The following ASTN2 variants were observed in gnomAD, a reference collection of about 807,000 sequenced individuals.
ASTN2 encodes the protein astrotactin-2.
Under a neutral mutation model 139.8 loss-of-function variants are expected in ASTN2, and 54 were observed. The observed-to-expected ratio is 0.39, with a 90% CI of 0.31 to 0.48. The LOEUF (loss-of-function observed/expected upper bound fraction) is 0.48, where lower values mean the gene tolerates loss of function less well. Among genes scored for constraint, ASTN2 ranks in the 20% least tolerant of loss-of-function variants. The pLI is 0.95. For synonymous variants in ASTN2, 756 were observed against 719.5 expected, an observed-to-expected ratio of 1.05 and a Z score of -0.81; for missense variants, 1,565 against 1,725.1, an observed-to-expected ratio of 0.91 and a Z score of 1.64.
chr9:117,018,726 T>C (rs73517485), intron 6 of ASTN2, among the ~76,000 whole-genome samples: 3,715 of 152,192 alleles, frequency 0.024, 134 homozygotes, highest in African/African-American at 0.083. Context: ...TAAAAGAGGG[T>C]GAATAGCACT....
chr9:117,342,968 T>A (rs1444249616), intron 1 of ASTN2, among the ~76,000 whole-genome samples: 5 of 151,944 alleles, frequency 3.3e-5, no homozygotes, highest in African/African-American at 1.2e-4. Flanking sequence ...AGGAGCTTGG[T>A]GGGTTGGATA....
chr9:116,933,005 C>CAAAAAA (rs34505075), intron 10 of ASTN2, among the ~76,000 whole-genome samples: 1 of 70,054 alleles, frequency 1.4e-5, no homozygotes, highest in African/African-American at 5.5e-5. Flanking sequence ...GACTCTGTCT[C>CAAAAAA]AAAAAAAAAA....
chr9:117,337,222 G>T (rs894886013), intron 1 of ASTN2, among the ~76,000 whole-genome samples: 1 of 152,050 alleles, frequency 6.6e-6, no homozygotes, highest in African/African-American at 2.4e-5. Flanking sequence ...TTATACATGG[G>T]TCTACAGAGG....
chr9:117,134,378 A>G (rs1477663120), intron 4 of ASTN2, among the ~76,000 whole-genome samples: 2 of 150,630 alleles, frequency 1.3e-5, no homozygotes, highest in Non-Finnish European at 2.9e-5. Flanking sequence ...GTAAAAGCAC[A>G]TTGAAACATT....
chr9:117,366,432 G>A (rs1829845435), intron 1 of ASTN2, among the ~76,000 whole-genome samples: 1 of 152,148 alleles, frequency 6.6e-6, no homozygotes, highest in African/African-American at 2.4e-5. Context: ...CAGAAGGGAA[G>A]TGAGGTCCCA....
chr9:117,172,896 T>C (rs1830827568), intron 3 of ASTN2, among the ~76,000 whole-genome samples: 1 of 152,128 alleles, frequency 6.6e-6, no homozygotes, highest in Non-Finnish European at 1.5e-5. Context: ...TGGCCACCCC[T>C]TGGGTCCCTT....
chr9:117,102,883 C>A (rs1481135636), intron 4 of ASTN2, among the ~76,000 whole-genome samples: 1 of 147,794 alleles, frequency 6.8e-6, no homozygotes, highest in African/African-American at 2.5e-5. Flanking sequence ...AAGAAACCAA[C>A]TTTTTTTTTT....
At chr9:116,948,173 A>G (rs1021249044) in intron 10 of ASTN2, among the ~76,000 whole-genome samples, 1 of 152,074 alleles carries the variant, frequency 6.6e-6, no homozygotes, top group Non-Finnish European at 1.5e-5. Context: ...TTCAATTAAG[A>G]TGTTGTCTGC....
chr9:117,010,317 A>G lies in ASTN2; in HGVS notation c.1424-2058T>C, dbSNP rs192330923. Among the ~76,000 whole-genome samples, 449 of 152,264 alleles carry G rather than the reference A, an allele frequency of 2.9e-3. 3 individuals carry two copies. Among genetic ancestry groups the G allele is most frequent in the African/African-American group, 0.01 (435 of 41,572 alleles). On this transcript the variant is annotated intron_variant, in intron 6 of 22. Transcript: ENST00000313400. ...TGGGTCCTTGAGGAAGGCACAGAAC[A>G]TCAGTACCAACTACAGATTTTTCTT...
chr9:117,271,504 C>T (rs1214258406), intron 2 of ASTN2, among the ~76,000 whole-genome samples: 3 of 152,148 alleles, frequency 2.0e-5, no homozygotes, highest in Non-Finnish European at 4.4e-5. Flanking sequence ...CTTCCACAGT[C>T]CCTCAAAGTC....
At chr9:116,972,163 T>C (rs924450764) in intron 10 of ASTN2, among the ~76,000 whole-genome samples, 1 of 152,174 alleles carries the variant, frequency 6.6e-6, no homozygotes, top group Non-Finnish European at 1.5e-5. Context: ...GTAATCTCTA[T>C]CCTTTCTTCT....
intron 3 of ASTN2, among the ~76,000 whole-genome samples, chr9:117,202,175 TG>T (rs1315278333): frequency 2.0e-5 from 3 of 152,186 alleles, no homozygotes; most frequent in Admixed American, 1.3e-4. Flanking sequence ...TGCCTTTTTT[TG>T]TTTTCCATTT....
At chr9:116,946,936 C>CAAAAAAA (rs3983292) in intron 10 of ASTN2, among the ~76,000 whole-genome samples, 5 of 127,926 alleles carry the variant, frequency 3.9e-5, no homozygotes, top group African/African-American at 6.1e-5. Context: ...ACATTTTTGT[C>CAAAAAAA]AAAAAAAAAA....
intron 17 of ASTN2, among the ~76,000 whole-genome samples, chr9:116,630,666 C>G (rs560087260): frequency 2.3e-4 from 35 of 152,032 alleles, no homozygotes; most frequent in Middle Eastern, 3.4e-3. Context: ...TTGAATGAGA[C>G]CTCAAAAGCA....
intron 13 of ASTN2, among the ~76,000 whole-genome samples, chr9:116,789,038 A>G (rs1335727999): frequency 2.0e-5 from 3 of 152,092 alleles, no homozygotes; most frequent in Admixed American, 6.5e-5. Context: ...CAAAATGCCT[A>G]TATGGTCTCT....
rs1460901622 is a variant in ASTN2, at chr9:116,503,948, C to A, written c.3356-16448G>T. ...TCACAGTCCATATCACAGTTCTGCT[C>A]TCCATAGTCCCAAAGCTGACTTCAT... On this transcript the variant is annotated intron_variant, in intron 19 of 22. Coordinates refer to ENST00000313400, the MANE Select transcript of ASTN2 (RefSeq NM_001365068.1). Among the ~76,000 whole-genome samples the A allele has an allele frequency of 2.0e-5, 3 of 152,230 alleles. No individual in the cohort carries two copies. In the East Asian group the frequency reaches 5.8e-4, roughly 30 times the overall value.
At position 117,386,146 on chromosome 9, in the gene ASTN2, GA is replaced by G. The variant is rs370991008; in HGVS notation, c.442+28350del. On this transcript the variant is annotated intron_variant, in intron 1 of 22. Transcript: ENST00000313400. ...GACAAAGATCAGGAGGAAAGGAGGG[GA>G]AAAAAAAAAGCAGACATTTCATACT... 5.5e-3 allele frequency among the ~76,000 whole-genome samples: 801 copies of G among 146,946 alleles called. 4 individuals carry two copies. Among genetic ancestry groups the G allele is most frequent in the African/African-American group, 0.014 (566 of 40,142 alleles).
At chr9:116,844,605 A>T (rs1161099713) in intron 11 of ASTN2, among the ~76,000 whole-genome samples, 1 of 152,180 alleles carries the variant, frequency 6.6e-6, no homozygotes, top group Non-Finnish European at 1.5e-5. Flanking sequence ...GGAGGAAAAA[A>T]AAAAAAACAA....
In ASTN2 at chr9:116,502,714, GGAAGGAAGGAAGGAAGGAAT is replaced by G. The variant is rs1488248342; in HGVS notation, c.3356-15234_3356-15215del. ...AGGAAGGAAGGAAGGAAGGAAGGAA[GGAAGGAAGGAAGGAAGGAAT>G]GAATGAATGAATGAGGGAAGGAAGG... On this transcript the variant is annotated intron_variant, in intron 19 of 22. Transcript: ENST00000313400. Among the ~76,000 whole-genome samples, 89 of 69,676 alleles carry G rather than the reference GGAAGGAAGGAAGGAAGGAAT, an allele frequency of 1.3e-3. 2 individuals are homozygous for G. Among genetic ancestry groups the G allele is most frequent in the African/African-American group, 4.8e-3 (86 of 17,950 alleles). The allele number at this position is 69,676 out of a possible 152,430, so 45.7% of individuals were successfully genotyped here.
Sources: allele counts gnomAD v4.1 joint callset (sites outside exome capture counted in the v4.1 genomes callset), GRCh38; gene constraint gnomAD v4.1.1; transcripts MANE v1.5; gene names NCBI Gene and HGNC (gene_info 2026-07-23, HGNC 2026-07-21).